ZFC3H1: variants seen among roughly 807,000 people sequenced by gnomAD.
The protein encoded by ZFC3H1 is zinc finger C3H1-type containing, also known as zinc finger C3H1 domain-containing protein.
A neutral mutation model predicts 243.7 loss-of-function variants in ZFC3H1; 71 were observed. The observed-to-expected ratio is 0.29, with a 90% CI of 0.24 to 0.36. The LOEUF is 0.36. Ranked by LOEUF, ZFC3H1 falls within the 10% of genes least tolerant of loss-of-function variation. The pLI is 1.00. For synonymous variants in ZFC3H1, 838 were observed against 813.0 expected, an observed-to-expected ratio of 1.03 and a Z score of -0.52; for missense variants, 1,966 against 2,317.1, an observed-to-expected ratio of 0.85 and a Z score of 3.11.
Position 71,620,328 on chromosome 12 carries a change from A to G in ZFC3H1, c.4745-13T>C. ...GCTTTCACTGCATCTACCCAAAAAC[A>G]TCACAACAACATGAATCACGTCAAT... On this transcript the variant is annotated splice_polypyrimidine_tract_variant and intron_variant, in intron 24 of 34. Coordinates refer to ENST00000378743, the MANE Select transcript of ZFC3H1 (RefSeq NM_144982.5). 6.2e-7 allele frequency: 1 copy of G among 1,612,814 alleles called. No homozygotes were observed. The highest frequency in any genetic ancestry group is 1.3e-5 in the African/African-American group (1 of 75,018).
chr12:71,648,982 T>C (rs1880804351), intron 2 of ZFC3H1, among the ~76,000 whole-genome samples: 1 of 150,930 alleles, frequency 6.6e-6, no homozygotes. Context: ...TCCCAGCTAC[T>C]CGGAAGGCTG....
In ZFC3H1 at chr12:71,633,372, TTC is replaced by T. The variant is rs1880373287; in HGVS notation, c.2575_2576del (p.Glu859IlefsTer3). The T allele has an allele frequency of 6.2e-7, 1 of 1,600,408 alleles. No homozygotes were observed. Among genetic ancestry groups the T allele is most frequent in the Non-Finnish European group, 8.5e-7 (1 of 1,172,928 alleles). ...TCTTTGCTTCAGCATTTCTAACAGATTCTTTCTTCTTAGCTTCTTGTTGCACT... is the reference window on the plus strand; with the variant it reads ...TCTTTGCTTCAGCATTTCTAACAGATTTTCTTCTTAGCTTCTTGTTGCACT... ...NLVQQEAKKKESVRNAEAKIT... is the reference protein window; with the variant it reads ...NLVQQEAKKKXSVRNAEAKIT... On this transcript the variant is annotated frameshift_variant, in exon 13 of 35. Coordinates refer to ENST00000378743, the MANE Select transcript of ZFC3H1 (RefSeq NM_144982.5). LOFTEE classifies it high-confidence loss of function.
intron 1 of ZFC3H1, among the ~76,000 whole-genome samples, chr12:71,660,688 T>C (rs901522923): frequency 1.4e-4 from 21 of 152,024 alleles, no homozygotes; most frequent in African/African-American, 4.8e-4. Flanking sequence ...AATAAAAATT[T>C]TAAGAAAAAC....
At position 71,613,414 on chromosome 12, in the gene ZFC3H1, A is replaced by G. The variant is rs1475729477; in HGVS notation, c.5548T>C (p.Cys1850Arg). 5.6e-6 allele frequency: 9 copies of G among 1,608,546 alleles called. 1 individual carries two copies. In the East Asian group the frequency reaches 2.0e-4, roughly 36 times the overall value. The stretch of plus-strand genomic sequence containing the variant: ...TTGGAATGCTGGGTCTTTGGAACAC[A>G]GCTCAAATAAAAGAAAATAACCTGT... The part of the protein sequence containing the change: ...HNRVIFFYLS[C>R]VPKTQHSKTL... The change falls in exon 31 of 35, where the codon TGT becomes CGT. Residue 1850 changes from cysteine (C) to arginine (R), a missense_variant. By Grantham distance (180) the Cys-to-Arg change is radical. This residue lies in a region of ZFC3H1 where 1,383 missense variants were observed against 1,723.7 expected (regional missense o/e 0.80). Coordinates refer to ENST00000378743, the MANE Select transcript of ZFC3H1 (RefSeq NM_144982.5).
In ZFC3H1 at chr12:71,663,657, T is replaced by C; in HGVS notation, c.-47A>G. ...ACAACCTTAGCCCTCCGTCCGGGGA[T>C]CCGCCCGACAATTGCCTCGTTTCCC... On this transcript the variant is annotated 5_prime_UTR_variant, in exon 1 of 35. Coordinates refer to ENST00000378743, the MANE Select transcript of ZFC3H1 (RefSeq NM_144982.5). 6.4e-7 allele frequency: 1 copy of C among 1,569,242 alleles called. No individual in the cohort carries two copies. Among genetic ancestry groups the C allele is most frequent in the Non-Finnish European group, 8.6e-7 (1 of 1,159,530 alleles).
intron 24 of ZFC3H1, among the ~76,000 whole-genome samples, chr12:71,621,131 G>A (rs543563935): frequency 6.6e-6 from 1 of 151,936 alleles, no homozygotes; most frequent in South Asian, 2.1e-4. Context: ...TTACTGTTAT[G>A]CTCTTAAATC....
Position 71,634,245 on chromosome 12 carries a change from G to C in ZFC3H1, c.2420C>G (p.Ala807Gly). The C allele has an allele frequency of 6.2e-7, 1 of 1,614,002 alleles. No homozygotes were observed. Among genetic ancestry groups the C allele is most frequent in the Non-Finnish European group, 8.5e-7 (1 of 1,179,968 alleles). ...ACCATCAATTTCCACATCAGAGTTT[G>C]CTGGGGATGATGAACTTGTCTTCAG... ...DQLKTSSSSP[A>G]NSDVEIDGIG... The change falls in exon 12 of 35, where the codon GCA becomes GGA. Residue 807 changes from alanine to glycine, a missense_variant. Physicochemically the swap from Ala to Gly is moderately conservative, Grantham distance 60. Transcript: ENST00000378743.
intron 2 of ZFC3H1, among the ~76,000 whole-genome samples, chr12:71,650,251 G>C (rs1375425777): frequency 6.6e-6 from 1 of 152,080 alleles, no homozygotes; most frequent in African/African-American, 2.4e-5. Flanking sequence ...ACTCCAGCCT[G>C]GGCAACAGAG....
At chr12:71,640,041 G>C (rs946344119) in intron 6 of ZFC3H1, among the ~76,000 whole-genome samples, 3 of 152,034 alleles carry the variant, frequency 2.0e-5, no homozygotes, top group African/African-American at 7.2e-5. Flanking sequence ...ATTTATTTTT[G>C]AGACAGAGTG....
intron 2 of ZFC3H1, among the ~76,000 whole-genome samples, chr12:71,654,823 T>C (rs1209696366): frequency 2.6e-5 from 4 of 152,200 alleles, no homozygotes; most frequent in African/African-American, 7.2e-5. Context: ...GTACAAGTAA[T>C]ATCCGAGACA....
chr12:71,657,111 T>C lies in ZFC3H1; in HGVS notation c.789A>G (p.Thr263=). ...TGCTAGTTTGGTCCTCGAAGTTCAA[T>C]GTTTTAGGATCTTCCTGCACATTCT... ...KEENVQEDPK[T]LNFEDQTSTD... Residue 263 remains threonine (T), a synonymous_variant, in exon 2 of 35, where the codon ACA becomes ACG. Transcript: ENST00000378743. 1.2e-6 allele frequency: 2 copies of C among 1,614,008 alleles called. No individual in the cohort carries two copies. The highest frequency in any genetic ancestry group is 1.7e-6 in the Non-Finnish European group (2 of 1,179,938).
chr12:71,633,102 G>A, intron 13 of ZFC3H1, 85 bp from the exon 14 acceptor site: 1 of 1,440,342 alleles, frequency 6.9e-7, no homozygotes, highest in South Asian at 1.4e-5. Context: ...TGGCTTTTGA[G>A]CATTCAACTG....
chr12:71,614,810 C>A, intron 29 of ZFC3H1, 24 bp downstream of exon 29: 3 of 1,607,904 alleles, frequency 1.9e-6, no homozygotes, highest in Non-Finnish European at 2.6e-6. Context: ...AAATCTCATT[C>A]TTATCAAGAA....
chr12:71,610,917 A>G (rs763429497), intron 33 of ZFC3H1, 141 bp downstream of exon 33: 16 of 1,427,410 alleles, frequency 1.1e-5, no homozygotes, highest in Non-Finnish European at 1.4e-5. Context: ...TAAAATGTTA[A>G]CTACTTTTGT....
intron 1 of ZFC3H1, among the ~76,000 whole-genome samples, chr12:71,657,552 T>C (rs1181945554): frequency 1.3e-5 from 2 of 152,194 alleles, no homozygotes; most frequent in Non-Finnish European, 1.5e-5. Context: ...TAATTACCAG[T>C]AGTATCCACA....
At chr12:71,612,799 C>G (rs933809160) in intron 31 of ZFC3H1, among the ~76,000 whole-genome samples, 1 of 152,126 alleles carries the variant, frequency 6.6e-6, no homozygotes, top group African/African-American at 2.4e-5. Flanking sequence ...AGTGGATTTG[C>G]TGTATCAGAG....
At chr12:71,633,959 G>C (rs1394924547) in intron 12 of ZFC3H1, among the ~76,000 whole-genome samples, 196 bp downstream of exon 12, 1 of 152,090 alleles carries the variant, frequency 6.6e-6, no homozygotes, top group Non-Finnish European at 1.5e-5. Context: ...CGCCTGGCCG[G>C]TATTTTTATT....
chr12:71,618,241 G>A (rs113759380), intron 27 of ZFC3H1, among the ~76,000 whole-genome samples: 2,746 of 151,324 alleles, frequency 0.018, 71 homozygotes, highest in African/African-American at 0.063. Flanking sequence ...CCCCAGCCTG[G>A]GAGACAGAGC....
At chr12:71,649,091 CAAAAAAAAAAA>C (rs35231608) in intron 2 of ZFC3H1, among the ~76,000 whole-genome samples, 2 of 89,822 alleles carry the variant, frequency 2.2e-5, no homozygotes, top group Non-Finnish European at 4.8e-5. Flanking sequence ...ACTCTTGTCT[CAAAAAAAAAAA>C]AAAAAAAAGA....
Sources: gnomAD v4.1 joint callset for allele counts (sites outside exome capture counted in the v4.1 genomes callset) on GRCh38, gnomAD v4.1.1 for gene constraint, gnomAD v4.1.1 regional missense constraint, MANE v1.5 for transcripts, NCBI Gene and HGNC (gene_info 2026-07-23, HGNC 2026-07-21) for gene names.